The following FNIP2 variants were observed in gnomAD, a reference collection of about 807,000 sequenced individuals.
FNIP2 encodes folliculin-interacting protein 2.
FNIP2 carries 32 observed loss-of-function variants against 108.7 expected under a neutral mutation model. That is an observed-to-expected ratio of 0.29 (90% CI 0.22 to 0.40). The LOEUF (loss-of-function observed/expected upper bound fraction) is 0.40, where lower values mean the gene tolerates loss of function less well. Ranked by LOEUF, FNIP2 falls within the 10% of genes least tolerant of loss-of-function variation. The pLI, the probability that FNIP2 is intolerant of heterozygous loss-of-function variation, is 1.00. For missense variants in FNIP2, 1,202 were observed against 1,381.6 expected, an observed-to-expected ratio of 0.87 and a Z score of 2.06; for synonymous variants, 480 against 496.7, an observed-to-expected ratio of 0.97 and a Z score of 0.45.
chr4:158,835,416 C>T lies in FNIP2; in HGVS notation c.667C>T (p.Pro223Ser). The change falls in exon 7 of 17, where the codon CCA becomes TCA. Residue 223 changes from proline (P) to serine (S), a missense_variant. Coordinates refer to ENST00000264433, the MANE Select transcript of FNIP2 (RefSeq NM_020840.3). ...RTGSNLAHSTPVDMPSRGQNE... is the reference protein window; with the variant it reads ...RTGSNLAHSTSVDMPSRGQNE... ...TTCCTTTATCTTAGCACACAGCACA[C>T]CAGTTGATATGCCAAGCAGAGGACA... 6.2e-7 allele frequency: 1 copy of T among 1,612,172 alleles called. No individual in the cohort carries two copies. The highest frequency in any genetic ancestry group is 8.5e-7 in the Non-Finnish European group (1 of 1,178,906).
chr4:158,877,848 G>A (rs998736830), intron 14 of FNIP2, among the ~76,000 whole-genome samples: 2 of 152,190 alleles, frequency 1.3e-5, no homozygotes, highest in East Asian at 1.9e-4. Flanking sequence ...GCTGAGGTGG[G>A]AGAATGATTT....
intron 8 of FNIP2, among the ~76,000 whole-genome samples, chr4:158,854,637 G>A (rs930764423): frequency 7.9e-5 from 12 of 152,208 alleles, no homozygotes; most frequent in Non-Finnish European, 2.9e-5. Context: ...ATGACATGGA[G>A]CCTTCAGACA....
intron 14 of FNIP2, among the ~76,000 whole-genome samples, chr4:158,888,039 C>T (rs567496654): frequency 4.1e-4 from 62 of 152,272 alleles, no homozygotes; most frequent in Non-Finnish European, 5.6e-4. Context: ...GCAGTGGCCC[C>T]GGTGGCCCTT....
At position 158,906,025 on chromosome 4, in the gene FNIP2, A is replaced by G. The variant is rs887316430; in HGVS notation, c.*1481A>G. On this transcript the variant is annotated 3_prime_UTR_variant, in exon 17 of 17. Transcript: ENST00000264433. The stretch of plus-strand genomic sequence containing the variant: ...TCATTTGATAAAAATCAGAACTGCT[A>G]CCTTTCCCTTTTTTAATGATGCAAA... 4.6e-5 allele frequency: 7 copies of G among 152,212 alleles called. No individual in the cohort carries two copies. The highest frequency in any genetic ancestry group is 1.0e-4 in the Non-Finnish European group (7 of 68,034). The allele number at this position is 152,212 out of a possible 1,614,324, so 9.4% of individuals were successfully genotyped here.
intron 14 of FNIP2, chr4:158,871,583 T>C: frequency 1.0e-6 from 1 of 985,312 alleles, no homozygotes; most frequent in Non-Finnish European, 1.2e-6. Flanking sequence ...TGGGGAGGGC[T>C]AAGAGATGAG....
chr4:158,856,042 G>T (rs1317813478), intron 8 of FNIP2, among the ~76,000 whole-genome samples: 2 of 152,120 alleles, frequency 1.3e-5, no homozygotes, highest in East Asian at 3.9e-4. Context: ...GCTCCACGCT[G>T]ACCTCAGAGC....
rs1560855991 is a variant in FNIP2, at chr4:158,907,143, T to C, written c.*2599T>C. On this transcript the variant is annotated 3_prime_UTR_variant, in exon 17 of 17. Transcript: ENST00000264433. ...TGGACCTCTTTCTAGCATGTTGCAG[T>C]TTTATTTTTAATAAATTGGTAAGTG... 6.6e-6 allele frequency: 1 copy of C among 152,234 alleles called. No homozygotes were observed. Among genetic ancestry groups the C allele is most frequent in the Non-Finnish European group, 1.5e-5 (1 of 68,034 alleles). The allele number at this position is 152,234 out of a possible 1,614,324, so 9.4% of individuals were successfully genotyped here.
At chr4:158,880,423 A>G (rs1296850297) in intron 14 of FNIP2, among the ~76,000 whole-genome samples, 1 of 152,152 alleles carries the variant, frequency 6.6e-6, no homozygotes, top group Non-Finnish European at 1.5e-5. Context: ...GGGGAGCATC[A>G]CACACTGGGA....
At chr4:158,863,015 C>T (rs998453802) in intron 12 of FNIP2, among the ~76,000 whole-genome samples, 4 of 152,172 alleles carry the variant, frequency 2.6e-5, no homozygotes, top group South Asian at 2.1e-4. Flanking sequence ...AGCATAATAA[C>T]GAAGAGTTTT....
chr4:158,771,238 A>G (rs989689582), intron 1 of FNIP2, among the ~76,000 whole-genome samples: 12 of 152,186 alleles, frequency 7.9e-5, no homozygotes, highest in Non-Finnish European at 1.8e-4. Flanking sequence ...TCCCTGATAG[A>G]GGTCACCATG....
chr4:158,800,937 C>A (rs1480460400), intron 1 of FNIP2, among the ~76,000 whole-genome samples: 1 of 152,126 alleles, frequency 6.6e-6, no homozygotes, highest in East Asian at 1.9e-4. Context: ...AGTATGGAGA[C>A]ATGGGAGTAG....
At chr4:158,838,433 C>T (rs1430235515) in intron 7 of FNIP2, among the ~76,000 whole-genome samples, 1 of 152,058 alleles carries the variant, frequency 6.6e-6, no homozygotes, top group Non-Finnish European at 1.5e-5. Context: ...GTTGCTCAGG[C>T]TGGTCTGGAA....
chr4:158,886,325 G>C (rs748469735), intron 14 of FNIP2, among the ~76,000 whole-genome samples: 5 of 152,174 alleles, frequency 3.3e-5, no homozygotes, highest in African/African-American at 4.8e-5. Flanking sequence ...CTGGAGACTG[G>C]CTGTCCACCT....
chr4:158,835,261 G>T, intron 6 of FNIP2, 144 bp from the exon 7 acceptor site: 2 of 444,456 alleles, frequency 4.5e-6, no homozygotes, highest in Non-Finnish European at 8.3e-6. Context: ...ATTTAATTTT[G>T]CCTTCTAGTT....
chr4:158,838,229 CTTT>C (rs550985480), intron 7 of FNIP2, among the ~76,000 whole-genome samples: 2 of 117,604 alleles, frequency 1.7e-5, no homozygotes, highest in East Asian at 2.6e-4. Context: ...TTTAGGCCTG[CTTT>C]TTTTTTTTTT....
chr4:158,795,203 GT>G (rs1231806177), intron 1 of FNIP2, among the ~76,000 whole-genome samples: 12 of 152,196 alleles, frequency 7.9e-5, no homozygotes, highest in Admixed American at 2.6e-4. Context: ...GTATAATGAG[GT>G]TTTGTTGTCC....
At chr4:158,875,541 T>TATATATGC (rs1553964269) in intron 14 of FNIP2, among the ~76,000 whole-genome samples, 9 of 141,456 alleles carry the variant, frequency 6.4e-5, no homozygotes, top group African/African-American at 2.6e-4. Flanking sequence ...TATATATATA[T>TATATATGC]GCTCATGAAT....
At chr4:158,849,536 C>T (rs890830362) in intron 7 of FNIP2, among the ~76,000 whole-genome samples, 3 of 151,982 alleles carry the variant, frequency 2.0e-5, no homozygotes, top group African/African-American at 4.8e-5. Context: ...GAGGCAGGAC[C>T]CTAGAGATGT....
intron 7 of FNIP2, among the ~76,000 whole-genome samples, chr4:158,846,522 C>T (rs1779414205): frequency 6.6e-6 from 1 of 152,122 alleles, no homozygotes; most frequent in Non-Finnish European, 1.5e-5. Flanking sequence ...GACTCTTACT[C>T]AGTTTGCTAA....
Sources: allele counts gnomAD v4.1 joint callset (sites outside exome capture counted in the v4.1 genomes callset), GRCh38; gene constraint gnomAD v4.1.1; transcripts MANE v1.5; gene names NCBI Gene and HGNC (gene_info 2026-07-23, HGNC 2026-07-21).